Variants in RC3H2 observed in about 807,000 individuals in gnomAD.
RC3H2 encodes the protein ring finger and CCCH-type domains 2.
In RC3H2, 31 loss-of-function variants were observed where a neutral mutation model predicts 133.3. The observed-to-expected ratio is 0.23, with a 90% CI of 0.17 to 0.31. The LOEUF (loss-of-function observed/expected upper bound fraction) is 0.31, where lower values mean the gene tolerates loss of function less well. Among genes scored for constraint, RC3H2 ranks in the 10% least tolerant of loss-of-function variants. The probability of loss-of-function intolerance (pLI) is 1.00; values close to 1 mark genes in which losing one functional copy is unlikely to be tolerated. For missense variants in RC3H2, 1,175 were observed against 1,437.2 expected, an observed-to-expected ratio of 0.82 and a Z score of 2.95; for synonymous variants, 517 against 502.2, an observed-to-expected ratio of 1.03 and a Z score of -0.40.
intron 8 of RC3H2, among the ~76,000 whole-genome samples, chr9:122,879,202 C>G (rs1015349153): frequency 1.3e-5 from 2 of 151,626 alleles, no homozygotes; most frequent in South Asian, 4.2e-4. Context: ...TTGAGACCAG[C>G]CTGGCCAACA....
At chr9:122,857,476 C>T (rs780074792) in intron 13 of RC3H2, among the ~76,000 whole-genome samples, 25 of 152,266 alleles carry the variant, frequency 1.6e-4, no homozygotes, top group Non-Finnish European at 2.8e-4. Flanking sequence ...GGATTCATAT[C>T]CCAGCTATTT....
rs758769838 is a variant in RC3H2 at position 122,865,539 on chromosome 9, T to C, written c.1444A>G (p.Ser482Gly). Residue 482 changes from serine (S) to glycine (G), a missense_variant, in exon 10 of 21, where the codon AGT becomes GGT. By Grantham distance (56) the Ser-to-Gly change is moderately conservative. This residue lies in a region of RC3H2 where 490 missense variants were observed against 492.8 expected (regional missense o/e 0.99). Transcript: ENST00000357244. ...TAGNVISVIG[S>G]TETTGKIVPS... ...ACAATTTTCCCTGTTGTTTCAGTAC[T>C]TCCTATGACAGAAATGACATTTCCG... is the stretch of plus-strand genomic sequence containing the variant. 2 of 1,614,104 alleles carry C rather than the reference T, an allele frequency of 1.2e-6. No homozygotes were observed. The highest frequency in any genetic ancestry group is 1.7e-6 in the Non-Finnish European group (2 of 1,180,036).
Position 122,854,610 on chromosome 9 carries a change from C to A in RC3H2, c.2821G>T (p.Val941Phe). 1 of 1,608,294 alleles carries A rather than the reference C, an allele frequency of 6.2e-7. No individual in the cohort carries two copies. The highest frequency in any genetic ancestry group is 8.5e-7 in the Non-Finnish European group (1 of 1,174,696). The change falls in exon 16 of 21, where the codon GTC becomes TTC. Residue 941 changes from valine to phenylalanine, a missense_variant. Physicochemically the swap from Val to Phe is conservative, Grantham distance 50 (BLOSUM62 -1). Around this residue, in one of 8 missense-constraint regions of RC3H2, gnomAD observed 138 missense variants for 215.0 expected, o/e 0.64. Coordinates refer to ENST00000357244, the MANE Select transcript of RC3H2 (RefSeq NM_001100588.3). ...ATKPISVSDY[V>F]PYVNAVDSRW... ...GAATCAACAGCATTGACATAAGGGA[C>A]ATAATCTACAGACATGTAGAATGAA...
rs1033444443 is a variant in RC3H2 at position 122,865,512 on chromosome 9, G to C, written c.1471C>G (p.Pro491Ala). The C allele has an allele frequency of 3.1e-6, 5 of 1,614,148 alleles. No homozygotes were observed. The highest frequency in any genetic ancestry group is 4.2e-6 in the Non-Finnish European group (5 of 1,180,006). The change falls in exon 10 of 21, where the codon CCA becomes GCA. Residue 491 changes from proline (P) to alanine (A), a missense_variant. Physicochemically the swap from Pro to Ala is conservative, Grantham distance 27. Transcript: ENST00000357244. ...GSTETTGKIV[P>A]STNGISNAEN... ...GCATTTGAAATTCCGTTTGTACTTG[G>C]AACAATTTTCCCTGTTGTTTCAGTA...
intron 1 of RC3H2, among the ~76,000 whole-genome samples, chr9:122,903,173 TA>T (rs1182232871): frequency 1.3e-5 from 2 of 152,228 alleles, no homozygotes; most frequent in Non-Finnish European, 2.9e-5. Context: ...CACTTACACT[TA>T]AAGCTTTAGT....
chr9:122,877,832 T>A (rs1487706910), intron 8 of RC3H2, among the ~76,000 whole-genome samples: 3 of 152,256 alleles, frequency 2.0e-5, no homozygotes, highest in African/African-American at 7.2e-5. Flanking sequence ...GTCCATTTAT[T>A]CATTAGTTAA....
intron 9 of RC3H2, among the ~76,000 whole-genome samples, chr9:122,868,996 G>A (rs1228492608): frequency 6.6e-6 from 1 of 150,978 alleles, no homozygotes; most frequent in East Asian, 1.9e-4. Context: ...CCGCCTCCTG[G>A]GTTCAAGTGA....
rs2131392343 is a variant in RC3H2, at chr9:122,858,025, C to T, written c.2352G>A (p.Gln784=). 1 of 1,614,166 alleles carries T rather than the reference C, an allele frequency of 6.2e-7. No homozygotes were observed. Among genetic ancestry groups the T allele is most frequent in the South Asian group, 1.1e-5 (1 of 91,092 alleles). ...CAAGAGGTGCTTTCTGAGTGTGGTA[C>T]TGTGCCCACTGATCTGGCTTTCTTC... is the stretch of plus-strand genomic sequence containing the variant. ...QIRRKPDQWA[Q]YHTQKAPLVS... is the part of the protein sequence containing the mutation. The change falls in exon 13 of 21, where the codon CAG becomes CAA. Residue 784 remains glutamine (Q), a synonymous_variant. Transcript: ENST00000357244.
intron 9 of RC3H2, among the ~76,000 whole-genome samples, chr9:122,868,613 G>T (rs534041093): frequency 1.3e-5 from 2 of 151,912 alleles, no homozygotes; most frequent in African/African-American, 4.8e-5. Flanking sequence ...GCGGAAGGCC[G>T]CAGGGTCCTC....
rs1385407759 is a variant in RC3H2 at position 122,879,988 on chromosome 9, C to T, written c.1093+5G>A. 1.5e-5 allele frequency: 25 copies of T among 1,614,024 alleles called. No individual in the cohort carries two copies. The highest frequency in any genetic ancestry group is 2.0e-5 in the Non-Finnish European group (24 of 1,179,982). On this transcript the variant is annotated splice_donor_5th_base_variant and intron_variant, in intron 7 of 20. Coordinates refer to ENST00000357244, the MANE Select transcript of RC3H2 (RefSeq NM_001100588.3). Reference sequence around the variant, plus strand: ...ATATAAGCAACTGAGCATATTCCCACATACCTGGATTAGGGTCTATGTTTG... The same window carrying T: ...ATATAAGCAACTGAGCATATTCCCATATACCTGGATTAGGGTCTATGTTTG...
At position 122,905,290 on chromosome 9, in the gene RC3H2, TCCTCCTCCTCCCTCCACCTCCG is replaced by T. The variant is rs537948280; in HGVS notation, c.-270_-249del. On this transcript the variant is annotated 5_prime_UTR_variant, in exon 1 of 21. Coordinates refer to ENST00000357244, the MANE Select transcript of RC3H2 (RefSeq NM_001100588.3). ...CGGCGGCGAAGGCCGCGACGGGGCC[TCCTCCTCCTCCCTCCACCTCCG>T]CCTCCTCCTCCTCCTCCTCCTCACC... is the stretch of plus-strand genomic sequence containing the variant. 4 of 951,812 alleles carry T rather than the reference TCCTCCTCCTCCCTCCACCTCCG, an allele frequency of 4.2e-6. No individual in the cohort carries two copies. The highest frequency in any genetic ancestry group is 2.3e-4 in the East Asian group (2 of 8,794). The allele number at this position is 951,812 out of a possible 1,614,324, so 59.0% of individuals were successfully genotyped here.
rs940242271 is a variant in RC3H2 at position 122,846,583 on chromosome 9, A to G, written c.*3044T>C. On this transcript the variant is annotated 3_prime_UTR_variant, in exon 21 of 21. Transcript: ENST00000357244. ...TTCAGAATGGAACTTAGAAATTAAA[A>G]AACAAAAACACAAAAAATGAAAGAA... is the stretch of plus-strand genomic sequence containing the variant. 3 of 152,224 alleles carry G rather than the reference A, an allele frequency of 2.0e-5. No homozygotes were observed. The highest frequency in any genetic ancestry group is 3.8e-4 in the East Asian group (2 of 5,208). 9.4% of individuals were successfully genotyped at this position (152,224 alleles called of 1,614,324 possible). A position where few individuals can be genotyped will look rare whatever the true frequency, so the allele number is the denominator to read the frequency against.
At position 122,855,770 on chromosome 9, in the gene RC3H2, G is replaced by A; in HGVS notation, c.2563C>T (p.Pro855Ser). The change falls in exon 14 of 21, where the codon CCC (proline) becomes TCC (serine). Residue 855 changes from proline (P) to serine (S), a missense_variant. By Grantham distance (74) the Pro-to-Ser change is moderately conservative. Around this residue, in one of 8 missense-constraint regions of RC3H2, gnomAD observed 138 missense variants for 215.0 expected, o/e 0.64. Coordinates refer to ENST00000357244, the MANE Select transcript of RC3H2 (RefSeq NM_001100588.3). ...GSCINAIDSE[P>S]KDVIANSNAV... ...TTTGAATTAGCAATGACATCTTTGG[G>A]CTCTGAATCAATGGCATTTATACAG... 1 of 1,613,024 alleles carries A rather than the reference G, an allele frequency of 6.2e-7. No homozygotes were observed. The highest frequency in any genetic ancestry group is 8.5e-7 in the Non-Finnish European group (1 of 1,179,416).
chr9:122,868,940 C>A (rs1266902927), intron 9 of RC3H2, among the ~76,000 whole-genome samples: 1 of 134,638 alleles, frequency 7.4e-6, no homozygotes, highest in South Asian at 2.3e-4. Context: ...CCACTCTTGT[C>A]GCCCAGGTTA....
intron 1 of RC3H2, among the ~76,000 whole-genome samples, chr9:122,900,810 T>C (rs866509336): frequency 6.6e-5 from 10 of 152,294 alleles, no homozygotes; most frequent in Middle Eastern, 6.8e-3. Flanking sequence ...TTCTAATTAT[T>C]TGTATTAACT....
intron 9 of RC3H2, chr9:122,874,914 T>G (rs553405693): frequency 2.7e-6 from 1 of 376,078 alleles, no homozygotes. Flanking sequence ...TGAAGTCTGT[T>G]TGAAGGTATG....
At chr9:122,879,934 T>A in intron 7 of RC3H2, 59 bp downstream of exon 7, 1 of 1,611,444 alleles carries the variant, frequency 6.2e-7, no homozygotes, top group Non-Finnish European at 8.5e-7. Flanking sequence ...GTAATTCTCT[T>A]GTGTTATTCA....
At position 122,865,377 on chromosome 9, in the gene RC3H2, C is replaced by T; in HGVS notation, c.1606G>A (p.Gly536Arg). ...KVGANGQNAAGPSADSVTENK... is the reference protein window; with the variant it reads ...KVGANGQNAARPSADSVTENK... ...TCAGTTACAGAATCTGCAGAGGGCCCAGCAGCATTCTGACCATTAGCGCCA... is the reference window on the plus strand; with the variant it reads ...TCAGTTACAGAATCTGCAGAGGGCCTAGCAGCATTCTGACCATTAGCGCCA... Residue 536 changes from glycine to arginine, a missense_variant, in exon 10 of 21, where the codon GGG (glycine) becomes AGG (arginine). Transcript: ENST00000357244. The T allele has an allele frequency of 6.2e-7, 1 of 1,612,040 alleles. No homozygotes were observed. Among genetic ancestry groups the T allele is most frequent in the Non-Finnish European group, 8.5e-7 (1 of 1,178,186 alleles).
At position 122,849,802 on chromosome 9, in the gene RC3H2, A is replaced by C; in HGVS notation, c.3401T>G (p.Leu1134Arg). The change falls in exon 21 of 21, where the codon CTG (leucine) becomes CGG (arginine). Residue 1134 changes from leucine (L) to arginine (R), a missense_variant. By Grantham distance (102) the Leu-to-Arg change is moderately radical (BLOSUM62 -2). Around this residue, in one of 8 missense-constraint regions of RC3H2, gnomAD observed 220 missense variants for 201.1 expected, o/e 1.09. Coordinates refer to ENST00000357244, the MANE Select transcript of RC3H2 (RefSeq NM_001100588.3). Reference protein sequence around the residue: ...HVILEEQKTILPVTSCFSQPL... With the variant: ...HVILEEQKTIRPVTSCFSQPL... ...CTGGCTAAAGCAAGAAGTTACCGGC[A>C]GAATTGTTTTTTGCTCCTCCCTGAG... The C allele has an allele frequency of 6.4e-7, 1 of 1,567,538 alleles. No individual in the cohort carries two copies. Among genetic ancestry groups the C allele is most frequent in the Non-Finnish European group, 8.6e-7 (1 of 1,161,234 alleles).
Sources: gnomAD v4.1 joint callset for allele counts (sites outside exome capture counted in the v4.1 genomes callset) on GRCh38, gnomAD v4.1.1 for gene constraint, gnomAD v4.1.1 regional missense constraint, MANE v1.5 for transcripts, NCBI Gene and HGNC (gene_info 2026-07-23, HGNC 2026-07-21) for gene names.